Variants in VPS13B observed in about 807,000 individuals in gnomAD.
VPS13B encodes the protein intermembrane lipid transfer protein VPS13B.
Under a neutral mutation model 426.4 loss-of-function variants are expected in VPS13B, and 285 were observed. That is an observed-to-expected ratio of 0.67 (90% CI 0.61 to 0.74). The LOEUF (loss-of-function observed/expected upper bound fraction) is 0.74, where lower values mean the gene tolerates loss of function less well. Among genes scored for constraint, VPS13B ranks in the 30% least tolerant of loss-of-function variants. The probability of loss-of-function intolerance (pLI) is 0.00; values close to 1 mark genes in which losing one functional copy is unlikely to be tolerated. For synonymous variants in VPS13B, 1,676 were observed against 1,676.4 expected, an observed-to-expected ratio of 1.00 and a Z score of 0.01; for missense variants, 4,537 against 4,782.6, an observed-to-expected ratio of 0.95 and a Z score of 1.51.
At chr8:99,216,001 C>G (rs1237515224) in intron 17 of VPS13B, among the ~76,000 whole-genome samples, 2 of 152,136 alleles carry the variant, frequency 1.3e-5, no homozygotes, top group South Asian at 2.1e-4. Context: ...GCTTTTTATT[C>G]TAGTCACAGA....
intron 30 of VPS13B, among the ~76,000 whole-genome samples, chr8:99,545,014 GCCTTTTTATTGAAA>G (rs1823892718): frequency 6.6e-6 from 1 of 152,078 alleles, no homozygotes; most frequent in Non-Finnish European, 1.5e-5. Context: ...ATTCTGTTTG[GCCTTTTTATTGAAA>G]CAACTATATC....
chr8:99,806,437 C>T (rs1053359112), intron 43 of VPS13B, among the ~76,000 whole-genome samples: 1 of 152,180 alleles, frequency 6.6e-6, no homozygotes, highest in African/African-American at 2.4e-5. Context: ...CTGATCCAGA[C>T]CCTTCCTTAA....
chr8:99,875,914 C>CAACAACA lies in VPS13B; in HGVS notation c.*252_*253insACAAACA, dbSNP rs72291496. ...ACATCATCTGATATGGACACAAGGCCAACAGTTTCCTTATTTACATCCTTA... is the reference window on the plus strand; with the variant it reads ...ACATCATCTGATATGGACACAAGGCCAACAACAAACAGTTTCCTTATTTACATCCTTA... On this transcript the variant is annotated 3_prime_UTR_variant, in exon 62 of 62. Coordinates refer to ENST00000357162, the MANE Select transcript of VPS13B (RefSeq NM_152564.5). 30 of 501,274 alleles carry CAACAACA rather than the reference C, an allele frequency of 6.0e-5. 1 individual carries two copies. The highest frequency in any genetic ancestry group is 4.6e-4 in the Admixed American group (13 of 27,982). 31.1% of individuals were successfully genotyped at this position (501,274 alleles called of 1,614,324 possible). A position where few individuals can be genotyped will look rare whatever the true frequency, so the allele number is the denominator to read the frequency against.
chr8:99,451,894 A>G (rs1275171845), intron 23 of VPS13B, among the ~76,000 whole-genome samples: 8 of 152,214 alleles, frequency 5.3e-5, no homozygotes, highest in Non-Finnish European at 8.8e-5. Flanking sequence ...TCTCTTAGAC[A>G]TGTTTGTACA....
At chr8:99,306,209 G>A (rs1465422909) in intron 19 of VPS13B, among the ~76,000 whole-genome samples, 2 of 152,052 alleles carry the variant, frequency 1.3e-5, no homozygotes, top group Non-Finnish European at 2.9e-5. Flanking sequence ...AACTATGTGG[G>A]CAGGATAAAT....
intron 44 of VPS13B, among the ~76,000 whole-genome samples, chr8:99,814,408 G>A (rs559427282): frequency 5.0e-4 from 76 of 152,282 alleles, no homozygotes; most frequent in African/African-American, 1.8e-3. Flanking sequence ...GCAACCCAGT[G>A]TTGTATTTGC....
At chr8:99,371,165 C>T (rs1813157771) in intron 19 of VPS13B, among the ~76,000 whole-genome samples, 1 of 152,126 alleles carries the variant, frequency 6.6e-6, no homozygotes. Flanking sequence ...AAGACTACTA[C>T]CATTTTGTTA....
At chr8:99,654,265 A>G (rs1162659714) in intron 34 of VPS13B, among the ~76,000 whole-genome samples, 4 of 150,224 alleles carry the variant, frequency 2.7e-5, no homozygotes, top group Non-Finnish European at 4.4e-5. Flanking sequence ...AGCAAGGATG[A>G]TCTCGATCTC....
intron 22 of VPS13B, among the ~76,000 whole-genome samples, chr8:99,438,830 A>G (rs1404621232): frequency 1.3e-5 from 2 of 152,162 alleles, no homozygotes; most frequent in East Asian, 3.8e-4. Context: ...ATATACAGAG[A>G]TAGTGAAACC....
At chr8:99,169,254 C>A (rs368898417) in intron 15 of VPS13B, among the ~76,000 whole-genome samples, 77 of 152,044 alleles carry the variant, frequency 5.1e-4, no homozygotes, top group African/African-American at 1.9e-3. Flanking sequence ...TGTGTATTTC[C>A]ACTCTGAGGT....
intron 16 of VPS13B, among the ~76,000 whole-genome samples, chr8:99,184,050 T>C (rs1177718175): frequency 2.6e-5 from 4 of 152,244 alleles, no homozygotes; most frequent in African/African-American, 4.8e-5. Context: ...TAACATGTAT[T>C]AGTACTTCAC....
At chr8:99,256,503 C>T (rs562920124) in intron 17 of VPS13B, among the ~76,000 whole-genome samples, 1 of 152,278 alleles carries the variant, frequency 6.6e-6, no homozygotes, top group African/African-American at 2.4e-5. Context: ...TTTACATTCC[C>T]ACTAACAATA....
chr8:99,324,969 GA>G, intron 19 of VPS13B, among the ~76,000 whole-genome samples: 1 of 151,996 alleles, frequency 6.6e-6, no homozygotes, highest in East Asian at 1.9e-4. Context: ...GATAAAATCT[GA>G]AAACACTTTT....
rs750820090 is a variant in VPS13B, at chr8:99,699,792, G to A, written c.6314G>A (p.Cys2105Tyr). 1.9e-6 allele frequency: 3 copies of A among 1,613,812 alleles called. No homozygotes were observed. Among genetic ancestry groups the A allele is most frequent in the Non-Finnish European group, 2.5e-6 (3 of 1,179,912 alleles). ...AQENMWRAVS[C>Y]FQKISVQTTQ... ...GAAAACATGTGGAGAGCTGTTTCCT[G>A]CTTTCAAAAAATTTCTGTTCAAACT... Residue 2105 changes from cysteine to tyrosine, a missense_variant, in exon 36 of 62, where the codon TGC (cysteine) becomes TAC (tyrosine). Around this residue, in one of 2 missense-constraint regions of VPS13B, gnomAD observed 4,311 missense variants for 4,474.3 expected, o/e 0.96. Transcript: ENST00000357162.
chr8:99,352,721 G>A (rs1811958613), intron 19 of VPS13B, among the ~76,000 whole-genome samples: 1 of 151,694 alleles, frequency 6.6e-6, no homozygotes, highest in African/African-American at 2.4e-5. Flanking sequence ...ATATTCAAGA[G>A]GCTGAGGCCA....
At chr8:99,271,195 AACTACTACTACTACTACTACTACT>A (rs10538522) in intron 17 of VPS13B, among the ~76,000 whole-genome samples, 100 of 145,230 alleles carry the variant, frequency 6.9e-4, no homozygotes, top group African/African-American at 1.5e-3. Context: ...TGCTACCACT[AACTACTACTACTACTACTACTACT>A]ACTACTACTA....
At chr8:99,280,095 TAAGAG>T (rs1819095229) in intron 19 of VPS13B, among the ~76,000 whole-genome samples, 1 of 152,192 alleles carries the variant, frequency 6.6e-6, no homozygotes, top group Admixed American at 6.5e-5. Context: ...GAGCCAGTGT[TAAGAG>T]TTCTATTTAC....
intron 41 of VPS13B, among the ~76,000 whole-genome samples, chr8:99,778,342 G>T (rs772151004): frequency 1.5e-4 from 23 of 151,664 alleles, no homozygotes; most frequent in Admixed American, 3.3e-4. Flanking sequence ...TTTTGGTTTT[G>T]AGATTTGATT....
chr8:99,607,961 A>G (rs982524953), intron 33 of VPS13B, among the ~76,000 whole-genome samples: 2 of 152,158 alleles, frequency 1.3e-5, no homozygotes, highest in Non-Finnish European at 2.9e-5. Context: ...AATGAAAGAC[A>G]GCTAGATTCC....
Sources: allele counts gnomAD v4.1 joint callset (sites outside exome capture counted in the v4.1 genomes callset), GRCh38; gene constraint gnomAD v4.1.1; regional missense constraint gnomAD v4.1.1; transcripts MANE v1.5; gene names NCBI Gene and HGNC (gene_info 2026-07-23, HGNC 2026-07-21).